RP1: variants seen among roughly 807,000 people sequenced by gnomAD.
RP1 encodes oxygen-regulated protein 1.
A neutral mutation model predicts 14.8 loss-of-function variants in RP1; 16 were observed. The observed-to-expected ratio is 1.08, with a 90% CI of 0.73 to 1.65. The LOEUF (loss-of-function observed/expected upper bound fraction) is 1.65, where lower values mean the gene tolerates loss of function less well. Among genes scored for constraint, RP1 ranks in the 40% most tolerant of loss-of-function variants. The pLI is 0.00. For missense variants in RP1, 2,631 were observed against 2,535.0 expected (o/e 1.04, Z -0.81); for synonymous variants, 876 against 883.6 (o/e 0.99, Z 0.15).
At chr8:54,834,940 T>C (rs1811623634) in intron 24 of RP1, among the ~76,000 whole-genome samples, 1 of 152,164 alleles carries the variant, frequency 6.6e-6, no homozygotes, top group African/African-American at 2.4e-5. Flanking sequence ...CTCCAACATA[T>C]GAAAGTGTCT....
chr8:54,824,299 C>T (rs968060441), intron 24 of RP1, among the ~76,000 whole-genome samples: 2 of 151,990 alleles, frequency 1.3e-5, no homozygotes, highest in Non-Finnish European at 2.9e-5. Context: ...CATAGTTTGC[C>T]AGCTTAGATA....
At position 54,626,470 on chromosome 8, in the gene RP1, A is replaced by T. The variant is rs1435785813; in HGVS notation, c.2588A>T (p.His863Leu). 6.2e-7 allele frequency: 1 copy of T among 1,613,844 alleles called. No homozygotes were observed. The highest frequency in any genetic ancestry group is 8.5e-7 in the Non-Finnish European group (1 of 1,179,900). ...KSLVSKVTDSHITLKSQKKRK... is the reference protein window; with the variant it reads ...KSLVSKVTDSLITLKSQKKRK... ...TTAGTTTCAAAAGTTACTGATTCAC[A>T]CATAACTTTAAAAAGCCAGAAAAAA... Residue 863 changes from histidine to leucine, a missense_variant, in exon 4 of 4, where the codon CAC (histidine) becomes CTC (leucine). Physicochemically the swap from His to Leu is moderately conservative, Grantham distance 99. Coordinates refer to ENST00000220676, the MANE Select transcript of RP1 (RefSeq NM_006269.2).
chr8:54,792,666 A>G (rs1344371517), intron 24 of RP1, among the ~76,000 whole-genome samples: 1 of 151,942 alleles, frequency 6.6e-6, no homozygotes, highest in Non-Finnish European at 1.5e-5. Flanking sequence ...AATACAACAT[A>G]CCAAAACTTA....
In RP1 at chr8:54,625,057, C is replaced by G; in HGVS notation, c.1175C>G (p.Ser392Ter). ...GCATGTTCATTCTCTGCAGATGTGT[C>G]ACCTATGGAGCGAAGCAGTAATCAA... ...LAACSFSADV[S>*]PMERSSNQEG... Residue 392 changes from serine (S) to a stop codon, truncating the protein, a stop_gained, in exon 4 of 4, where the codon TCA becomes TGA. Transcript: ENST00000220676. LOFTEE classifies it low-confidence loss of function (END_TRUNC). The G allele has an allele frequency of 6.2e-6, 10 of 1,614,142 alleles. No homozygotes were observed. Among genetic ancestry groups the G allele is most frequent in the Non-Finnish European group, 8.5e-6 (10 of 1,180,038 alleles).
At chr8:54,851,261 A>G (rs1007170369) in intron 25 of RP1, among the ~76,000 whole-genome samples, 1 of 152,142 alleles carries the variant, frequency 6.6e-6, no homozygotes, top group Non-Finnish European at 1.5e-5. Flanking sequence ...TGCTGTCAAT[A>G]TGGAGTTTGT....
chr8:54,712,383 G>C (rs1808312625), intron 15 of RP1, among the ~76,000 whole-genome samples: 1 of 152,168 alleles, frequency 6.6e-6, no homozygotes, highest in East Asian at 1.9e-4. Context: ...TCCATCATAA[G>C]TATCAGGCCT....
At chr8:54,568,176 G>C (rs1279018451) in intron 1 of RP1, among the ~76,000 whole-genome samples, 1 of 152,260 alleles carries the variant, frequency 6.6e-6, no homozygotes, top group Middle Eastern at 3.4e-3. Flanking sequence ...CTTTATTCAT[G>C]AGTCTTGCTG....
chr8:54,825,213 C>T (rs887454989), intron 24 of RP1, among the ~76,000 whole-genome samples: 1 of 152,132 alleles, frequency 6.6e-6, no homozygotes, highest in Non-Finnish European at 1.5e-5. Context: ...TCCACCTCGG[C>T]CTCCCAAAGT....
chr8:54,601,087 T>C (rs1002883894), intron 1 of RP1, among the ~76,000 whole-genome samples: 5 of 152,198 alleles, frequency 3.3e-5, no homozygotes, highest in African/African-American at 9.6e-5. Context: ...AATCTGACCA[T>C]TTCGTTTTGC....
At chr8:54,634,493 T>TA (rs1806310640), downstream of RP1, among the ~76,000 whole-genome samples, 1 of 135,742 alleles carries the variant, frequency 7.4e-6, no homozygotes, top group African/African-American at 2.4e-5. Context: ...AAAACAGAGA[T>TA]AACCCCAAGA....
At chr8:54,604,355 T>A (rs143738374) in intron 1 of RP1, among the ~76,000 whole-genome samples, 4 of 152,004 alleles carry the variant, frequency 2.6e-5, no homozygotes, top group Non-Finnish European at 4.4e-5. Context: ...GATTTGTGTA[T>A]GTTGAACCAG....
At chr8:54,577,503 A>G (rs557887584) in intron 1 of RP1, among the ~76,000 whole-genome samples, 2 of 152,304 alleles carry the variant, frequency 1.3e-5, no homozygotes, top group South Asian at 4.1e-4. Context: ...TTACTTGTGT[A>G]CTTTTTTTGC....
chr8:54,607,612 C>T (rs1180856886), intron 1 of RP1, among the ~76,000 whole-genome samples: 1 of 152,160 alleles, frequency 6.6e-6, no homozygotes. Context: ...TTTCTGCTGC[C>T]TTTTATTTGG....
chr8:54,729,291 G>A (rs986501728), intron 17 of RP1, among the ~76,000 whole-genome samples: 1 of 152,146 alleles, frequency 6.6e-6, no homozygotes, highest in East Asian at 1.9e-4. Flanking sequence ...CAGCCATCCT[G>A]CCAGTCCATC....
intron 20 of RP1, chr8:54,754,953 A>T (rs1809463824): frequency 6.6e-7 from 1 of 1,509,942 alleles, no homozygotes; most frequent in Non-Finnish European, 8.8e-7. Flanking sequence ...TTTAATCTTC[A>T]GTAGCATCTA....
intron 1 of RP1, among the ~76,000 whole-genome samples, chr8:54,592,820 G>A (rs1171715831): frequency 6.6e-6 from 1 of 152,106 alleles, no homozygotes; most frequent in Non-Finnish European, 1.5e-5. Context: ...TATTACTTCT[G>A]TGTTCTAGGC....
In RP1 at chr8:54,840,383, G is replaced by T. The variant is rs532053784; in HGVS notation, c.3835+2714G>T. The stretch of plus-strand genomic sequence containing the variant: ...TTCTCCTGCCCCAGCCTCCTGAGTA[G>T]CTGGGATTACAGGTGTGAGCCACCT... On this transcript the variant is annotated intron_variant, in intron 25 of 28. Transcript: ENST00000637698. Among the ~76,000 whole-genome samples the T allele has an allele frequency of 1.8e-3, 278 of 151,976 alleles. 4 individuals carry two copies. Among genetic ancestry groups the T allele is most frequent in the African/African-American group, 6.4e-3 (265 of 41,442 alleles).
In RP1 at chr8:54,820,481, C is replaced by T. The variant is rs146613371; in HGVS notation, c.3616-16969C>T. Among the ~76,000 whole-genome samples the T allele has an allele frequency of 1.7e-3, 255 of 152,076 alleles. 1 individual carries two copies. The highest frequency in any genetic ancestry group is 5.7e-3 in the African/African-American group (237 of 41,486). Reference sequence around the variant, plus strand: ...TTTCTATTGCTGGGGTGGAGGATTCCCCTCTGGCTGGGACTGCTCTAAATG... The same window carrying T: ...TTTCTATTGCTGGGGTGGAGGATTCTCCTCTGGCTGGGACTGCTCTAAATG... On this transcript the variant is annotated intron_variant, in intron 24 of 28. Transcript: ENST00000637698.
intron 14 of RP1, among the ~76,000 whole-genome samples, chr8:54,702,555 C>CG (rs1242998702): frequency 2.0e-5 from 3 of 152,080 alleles, no homozygotes; most frequent in South Asian, 2.1e-4. Flanking sequence ...TTTGCTGTAG[C>CG]GGGGGGTCTT....
Sources: gnomAD v4.1 joint callset for allele counts (sites outside exome capture counted in the v4.1 genomes callset) on GRCh38, gnomAD v4.1.1 for gene constraint, MANE v1.5 for transcripts, NCBI Gene and HGNC (gene_info 2026-07-23, HGNC 2026-07-21) for gene names.